The following MYO5A variants were observed in gnomAD, a reference collection of about 807,000 sequenced individuals.
MYO5A encodes the protein unconventional myosin-Va.
A neutral mutation model predicts 249.7 loss-of-function variants in MYO5A; 98 were observed. The observed-to-expected ratio is 0.39, with a 90% CI of 0.33 to 0.46. MYO5A has a LOEUF of 0.46. Among genes scored for constraint, MYO5A ranks in the 20% least tolerant of loss-of-function variants. MYO5A has a pLI of 0.98. For synonymous variants in MYO5A, 778 were observed against 810.6 expected, an observed-to-expected ratio of 0.96 and a Z score of 0.68; for missense variants, 1,696 against 2,308.8, an observed-to-expected ratio of 0.73 and a Z score of 5.44.
Position 52,396,192 on chromosome 15 carries a change from G to C in MYO5A, c.1401+124C>G, listed in dbSNP as rs2042477446. The C allele has an allele frequency of 5.8e-6, 4 of 689,314 alleles. 1 individual carries two copies. Among genetic ancestry groups the C allele is most frequent in the African/African-American group, 5.4e-5 (3 of 55,422 alleles). 42.7% of individuals were successfully genotyped at this position (689,314 alleles called of 1,614,324 possible). On this transcript the variant is annotated intron_variant, in intron 11 of 41. Transcript: ENST00000399233. Reference sequence around the variant, plus strand: ...ATGTTGTACCATTCATTAATCGTCAGTTCTAAGTTCCATATAATAATTTTA... The same window carrying C: ...ATGTTGTACCATTCATTAATCGTCACTTCTAAGTTCCATATAATAATTTTA...
chr15:52,328,188 A>G (rs547631837), intron 35 of MYO5A, among the ~76,000 whole-genome samples, 182 bp from the exon 36 acceptor site: 1 of 152,330 alleles, frequency 6.6e-6, no homozygotes, highest in African/African-American at 2.4e-5. Context: ...GCATGTCCAT[A>G]TAATGACAAC....
chr15:52,434,188 C>T (rs1172349985), intron 1 of MYO5A, among the ~76,000 whole-genome samples: 3 of 151,664 alleles, frequency 2.0e-5, no homozygotes, highest in African/African-American at 4.8e-5. Context: ...TTAGTAGAGA[C>T]GGGGTTTCAC....
intron 24 of MYO5A, among the ~76,000 whole-genome samples, chr15:52,363,720 G>A (rs1447791185): frequency 2.0e-5 from 3 of 152,176 alleles, no homozygotes; most frequent in Non-Finnish European, 4.4e-5. Context: ...TTGTAGGGAT[G>A]CTTGGGAACT....
intron 1 of MYO5A, among the ~76,000 whole-genome samples, chr15:52,479,259 T>A (rs1276927668): frequency 6.6e-6 from 1 of 152,098 alleles, no homozygotes; most frequent in African/African-American, 2.4e-5. Flanking sequence ...ATTACAGGAG[T>A]GAGCCACTGC....
At chr15:52,348,558 A>G (rs1292138397) in intron 29 of MYO5A, among the ~76,000 whole-genome samples, 1 of 152,220 alleles carries the variant, frequency 6.6e-6, no homozygotes, top group African/African-American at 2.4e-5. Context: ...TACCAGAACT[A>G]CGGCAGTGAG....
At chr15:52,445,044 G>T (rs886103604) in intron 1 of MYO5A, among the ~76,000 whole-genome samples, 1 of 137,648 alleles carries the variant, frequency 7.3e-6, no homozygotes, top group African/African-American at 2.5e-5. Flanking sequence ...TTTGGGAATC[G>T]ACACTTCTAG....
rs541351758 is a variant in MYO5A, at chr15:52,517,706, C to T, written c.27+11074G>A. 7.9e-5 allele frequency among the ~76,000 whole-genome samples: 12 copies of T among 152,118 alleles called. No individual in the cohort carries two copies. The South Asian group carries it at 8.3e-4, about 11-fold the overall frequency. On this transcript the variant is annotated intron_variant, in intron 1 of 41. Coordinates refer to ENST00000399233, the MANE Select transcript of MYO5A (RefSeq NM_001382347.1). ...AGCCTGGGCAACAAGAGCGAAACTC[C>T]GTCTCAAAAAATATATATACAGATA...
At chr15:52,353,805 A>C in intron 26 of MYO5A, 66 bp downstream of exon 26, 1 of 1,608,352 alleles carries the variant, frequency 6.2e-7, no homozygotes, top group East Asian at 2.2e-5. Flanking sequence ...GTCTCCACTA[A>C]GGAAGAGACT....
intron 22 of MYO5A, among the ~76,000 whole-genome samples, 155 bp downstream of exon 22, chr15:52,370,014 T>G (rs945590906): frequency 6.6e-6 from 1 of 151,836 alleles, no homozygotes; most frequent in African/African-American, 2.4e-5. Context: ...TAATGAGAAA[T>G]AAATGCTTGG....
intron 24 of MYO5A, among the ~76,000 whole-genome samples, chr15:52,364,287 C>T (rs1352395556): frequency 2.6e-5 from 4 of 151,736 alleles, no homozygotes; most frequent in Non-Finnish European, 4.4e-5. Flanking sequence ...TGACTTTATA[C>T]TATCACATAG....
chr15:52,450,855 T>TTTGTTTTTTGTTTTTTG lies in MYO5A; in HGVS notation c.28-17571_28-17570insCAAAAAACAAAAAACAA, dbSNP rs1555454758. On this transcript the variant is annotated intron_variant, in intron 1 of 41. Coordinates refer to ENST00000399233, the MANE Select transcript of MYO5A (RefSeq NM_001382347.1). ...TTGCACTACTGTGGTTTTTTTTTTT[T>TTTGTTTTTTGTTTTTTG]TTTTTTTTTTGTGACAGGGTCTCAC... Among the ~76,000 whole-genome samples, 6 of 144,452 alleles carry TTTGTTTTTTGTTTTTTG rather than the reference T, an allele frequency of 4.2e-5. No individual in the cohort carries two copies. In the South Asian group the frequency reaches 8.8e-4, roughly 21 times the overall value. The allele number at this position is 144,452 out of a possible 152,430, so 94.8% of individuals were successfully genotyped here.
At position 52,307,662 on chromosome 15, in the gene MYO5A, G is replaced by C. The variant is rs28743026; in HGVS notation, c.*6034C>G. The C allele has an allele frequency of 6.6e-6, 1 of 152,178 alleles. No individual in the cohort carries two copies. The highest frequency in any genetic ancestry group is 1.9e-4 in the East Asian group (1 of 5,190). 9.4% of individuals were successfully genotyped at this position (152,178 alleles called of 1,614,324 possible). Reference sequence around the variant, plus strand: ...ATCAAAATTTTCTATGCAGATCAAAGTAGAATTCCTTTTCCAGACCCAACA... The same window carrying C: ...ATCAAAATTTTCTATGCAGATCAAACTAGAATTCCTTTTCCAGACCCAACA... On this transcript the variant is annotated 3_prime_UTR_variant, in exon 42 of 42. Transcript: ENST00000399233.
chr15:52,394,371 T>C (rs1377824873), intron 11 of MYO5A, among the ~76,000 whole-genome samples: 1 of 151,946 alleles, frequency 6.6e-6, no homozygotes, highest in East Asian at 1.9e-4. Flanking sequence ...GTAGTGGGAG[T>C]TGAAACTGAA....
intron 1 of MYO5A, among the ~76,000 whole-genome samples, chr15:52,484,347 G>A (rs2076774769): frequency 6.6e-6 from 1 of 152,140 alleles, no homozygotes; most frequent in African/African-American, 2.4e-5. Flanking sequence ...TTTGTTTTTA[G>A]AAAATAAGAA....
intron 1 of MYO5A, among the ~76,000 whole-genome samples, chr15:52,451,720 C>T (rs1365645547): frequency 6.6e-6 from 1 of 152,160 alleles, no homozygotes; most frequent in Non-Finnish European, 1.5e-5. Context: ...TTTTCTTGGC[C>T]TGGAATCCCT....
At chr15:52,339,959 T>C (rs943429129) in intron 32 of MYO5A, among the ~76,000 whole-genome samples, 2 of 152,180 alleles carry the variant, frequency 1.3e-5, no homozygotes, top group African/African-American at 2.4e-5. Context: ...GGTGGTTGTC[T>C]GCCTCCAGGG....
rs757292498 is a variant in MYO5A at position 52,375,420 on chromosome 15, T to C, written c.2461A>G (p.Ile821Val). Residue 821 changes from isoleucine (I) to valine (V), a missense_variant, in exon 20 of 42, where the codon ATT becomes GTT. Ile to Val is a conservative substitution (Grantham distance 29). This residue lies in a region of MYO5A where 412 missense variants were observed against 453.3 expected (regional missense o/e 0.91). Transcript: ENST00000399233. ...FLRRTKAATIIQKYWRMYVVR... is the reference protein window; with the variant it reads ...FLRRTKAATIVQKYWRMYVVR... ...ACATACATGCGCCAGTACTTTTGAA[T>C]GATGGTTGCTGCCTTGGTTCTGCGC... 6 of 1,614,184 alleles carry C rather than the reference T, an allele frequency of 3.7e-6. No homozygotes were observed. The Admixed American group carries it at 8.3e-5, about 22-fold the overall frequency.
At chr15:52,461,527 G>A (rs1365949806) in intron 1 of MYO5A, among the ~76,000 whole-genome samples, 1 of 152,192 alleles carries the variant, frequency 6.6e-6, no homozygotes, top group Non-Finnish European at 1.5e-5. Flanking sequence ...ACAATAGGAA[G>A]TTATTTTGAA....
rs969925394 is a variant in MYO5A at position 52,312,411 on chromosome 15, G to A, written c.*1285C>T. The A allele has an allele frequency of 6.6e-6, 1 of 152,122 alleles. No homozygotes were observed. The highest frequency in any genetic ancestry group is 2.4e-5 in the African/African-American group (1 of 41,424). 9.4% of individuals were successfully genotyped at this position (152,122 alleles called of 1,614,324 possible). ...AGTGTCTCTCTCTGTCACCCAGGCT[G>A]GAGTGCAGTGGTTCGATCTCATTGC... is the stretch of plus-strand genomic sequence containing the variant. On this transcript the variant is annotated 3_prime_UTR_variant, in exon 42 of 42. Transcript: ENST00000399233.
Sources: gnomAD v4.1 joint callset for allele counts (sites outside exome capture counted in the v4.1 genomes callset) on GRCh38, gnomAD v4.1.1 for gene constraint, gnomAD v4.1.1 regional missense constraint, MANE v1.5 for transcripts, NCBI Gene and HGNC (gene_info 2026-07-23, HGNC 2026-07-21) for gene names.